The following PAK5 variants were observed in gnomAD, a reference collection of about 807,000 sequenced individuals.
PAK5 encodes the protein p21 (RAC1) activated kinase 5.
PAK5 carries 16 observed loss-of-function variants against 65.9 expected under a neutral mutation model. That is an observed-to-expected ratio of 0.24 (90% CI 0.16 to 0.37). PAK5 has a LOEUF of 0.37. Among genes scored for constraint, PAK5 ranks in the 10% least tolerant of loss-of-function variants. The pLI, the probability that PAK5 is intolerant of heterozygous loss-of-function variation, is 1.00. For synonymous variants in PAK5, 371 were observed against 354.9 expected, an observed-to-expected ratio of 1.05 and a Z score of -0.51; for missense variants, 785 against 903.9, an observed-to-expected ratio of 0.87 and a Z score of 1.69.
At chr20:9,686,365 C>T (rs553255667) in intron 2 of PAK5, among the ~76,000 whole-genome samples, 1 of 152,256 alleles carries the variant, frequency 6.6e-6, no homozygotes, top group Non-Finnish European at 1.5e-5. Context: ...AGGGTATTTC[C>T]TTCCTTTTCC....
intron 3 of PAK5, among the ~76,000 whole-genome samples, chr20:9,587,617 T>C (rs2046092626): frequency 6.6e-6 from 1 of 152,092 alleles, no homozygotes; most frequent in African/African-American, 2.4e-5. Flanking sequence ...TCTCAAACTT[T>C]AAAGTGCACA....
intron 2 of PAK5, among the ~76,000 whole-genome samples, chr20:9,654,283 A>AT (rs1185061244): frequency 2.6e-5 from 4 of 151,516 alleles, no homozygotes; most frequent in African/African-American, 9.7e-5. Flanking sequence ...CATCTTTCCC[A>AT]TTTTCCTCTG....
In PAK5 at chr20:9,667,122, C is replaced by A. The variant is rs191997582; in HGVS notation, c.-11-22783G>T. Among the ~76,000 whole-genome samples the A allele has an allele frequency of 8.5e-3, 1,287 of 152,144 alleles. 5 individuals carry two copies. The highest frequency in any genetic ancestry group is 0.034 in the Middle Eastern group (10 of 294). On this transcript the variant is annotated intron_variant, in intron 2 of 9. Transcript: ENST00000353224. ...TGAAACCCTATCTCTATTAAAAATA[C>A]AAAAATTAGCTGAGCGTGGTGGTGT...
chr20:9,602,327 TAAATAAATAA>T (rs2046376015), intron 3 of PAK5, among the ~76,000 whole-genome samples: 1 of 144,122 alleles, frequency 6.9e-6, no homozygotes, highest in Non-Finnish European at 1.6e-5. Flanking sequence ...AATAAATAAA[TAAATAAATAA>T]ATAAAATAAA....
intron 3 of PAK5, among the ~76,000 whole-genome samples, chr20:9,595,257 C>T (rs936715444): frequency 1.3e-5 from 2 of 152,058 alleles, no homozygotes; most frequent in Non-Finnish European, 2.9e-5. Flanking sequence ...TGATTCACAA[C>T]ACCAAGGGCA....
At chr20:9,608,208 C>T (rs1568995927) in intron 3 of PAK5, among the ~76,000 whole-genome samples, 1 of 152,174 alleles carries the variant, frequency 6.6e-6, no homozygotes, top group African/African-American at 2.4e-5. Context: ...TTTCAACATA[C>T]AAATTTTGGA....
chr20:9,611,403 T>C (rs2046557405), intron 3 of PAK5, among the ~76,000 whole-genome samples: 1 of 152,032 alleles, frequency 6.6e-6, no homozygotes, highest in Admixed American at 6.6e-5. Context: ...GAAGAGATGG[T>C]ACTGAGAGAG....
chr20:9,719,673 A>G (rs2048191179), intron 1 of PAK5, among the ~76,000 whole-genome samples: 1 of 152,154 alleles, frequency 6.6e-6, no homozygotes, highest in Non-Finnish European at 1.5e-5. Flanking sequence ...TACAGCTTGT[A>G]TTAACTAGAT....
rs2048066819 is a variant in PAK5 at position 9,710,625 on chromosome 20, G to GT, written c.-12+660dup. Among the ~76,000 whole-genome samples, 4 of 152,136 alleles carry GT rather than the reference G, an allele frequency of 2.6e-5. No individual in the cohort carries two copies. The South Asian group carries it at 8.3e-4, about 31-fold the overall frequency. ...CCTGCGTGGGGGGTAGTACCCATGT[G>GT]TGGGGGGTAGTAGCGACCCCCACAC... On this transcript the variant is annotated intron_variant, in intron 2 of 9. Transcript: ENST00000353224.
chr20:9,764,744 T>C (rs1015752291), intron 1 of PAK5, among the ~76,000 whole-genome samples: 1 of 152,216 alleles, frequency 6.6e-6, no homozygotes, highest in Non-Finnish European at 1.5e-5. Flanking sequence ...AGATAATGCA[T>C]TACTGGTGGA....
intron 2 of PAK5, among the ~76,000 whole-genome samples, chr20:9,686,632 G>A (rs933929353): frequency 2.6e-5 from 4 of 152,016 alleles, no homozygotes; most frequent in Admixed American, 1.3e-4. Context: ...TATCCCCTTC[G>A]ACCTAGGAAC....
chr20:9,634,300 G>A (rs1375562163), intron 3 of PAK5, among the ~76,000 whole-genome samples: 1 of 152,194 alleles, frequency 6.6e-6, no homozygotes, highest in African/African-American at 2.4e-5. Flanking sequence ...CTGGAGGTGT[G>A]TGGTTAACAT....
At chr20:9,753,384 A>G (rs375414570) in intron 1 of PAK5, among the ~76,000 whole-genome samples, 7 of 152,258 alleles carry the variant, frequency 4.6e-5, no homozygotes, top group Middle Eastern at 3.4e-3. Context: ...ATATAGTATA[A>G]TGTATTGTTT....
rs191995307 is a variant in PAK5, at chr20:9,664,400, A to G, written c.-11-20061T>C. Among the ~76,000 whole-genome samples the G allele has an allele frequency of 1.1e-4, 16 of 152,328 alleles. No individual in the cohort carries two copies. The East Asian group carries it at 3.1e-3, about 29-fold the overall frequency. ...AGTAAATCAGACCTCAGTCAGTCCC[A>G]TCCAGCTCTAAAATTCTATGATTCT... On this transcript the variant is annotated intron_variant, in intron 2 of 9. Coordinates refer to ENST00000353224, the MANE Select transcript of PAK5 (RefSeq NM_177990.4).
chr20:9,816,401 T>C (rs2049357494), intron 1 of PAK5, among the ~76,000 whole-genome samples: 1 of 152,170 alleles, frequency 6.6e-6, no homozygotes, highest in Admixed American at 6.5e-5. Flanking sequence ...TCTGGTTAAA[T>C]GTTATTCCTG....
intron 7 of PAK5, among the ~76,000 whole-genome samples, chr20:9,550,904 T>A (rs1233614198): frequency 6.6e-6 from 1 of 152,156 alleles, no homozygotes; most frequent in Non-Finnish European, 1.5e-5. Flanking sequence ...ATTTTGCTAT[T>A]GGCAGTTTTA....
At chr20:9,652,575 T>C (rs976303438) in intron 2 of PAK5, among the ~76,000 whole-genome samples, 47 of 152,226 alleles carry the variant, frequency 3.1e-4, no homozygotes, top group Non-Finnish European at 6.2e-4. Flanking sequence ...CAGGAGAAAC[T>C]GTATCAAAGC....
Position 9,603,078 on chromosome 20 carries a change from G to A in PAK5, c.205-22148C>T, listed in dbSNP as rs540750321. ...AGGTGGGAGGGACTACTTTCAACAC[G>A]GAAGCATCACAAAGTGCAGCAAGCT... On this transcript the variant is annotated intron_variant, in intron 3 of 9. Transcript: ENST00000353224. 2.0e-5 allele frequency among the ~76,000 whole-genome samples: 3 copies of A among 152,152 alleles called. No homozygotes were observed. The South Asian group carries it at 6.2e-4, about 32-fold the overall frequency.
intron 1 of PAK5, among the ~76,000 whole-genome samples, chr20:9,734,131 T>A (rs1013445983): frequency 1.3e-5 from 2 of 152,196 alleles, no homozygotes; most frequent in Admixed American, 1.3e-4. Flanking sequence ...AACTCTACTG[T>A]GGGCTTGAAG....
Sources: gnomAD v4.1 joint callset for allele counts (sites outside exome capture counted in the v4.1 genomes callset) on GRCh38, gnomAD v4.1.1 for gene constraint, MANE v1.5 for transcripts, NCBI Gene and HGNC (gene_info 2026-07-23, HGNC 2026-07-21) for gene names.